The following CSMD1 variants were observed in gnomAD, a reference collection of about 807,000 sequenced individuals.
CSMD1 encodes the protein CUB and Sushi multiple domains 1, also known as CUB and sushi domain-containing protein 1.
A neutral mutation model predicts 417.5 loss-of-function variants in CSMD1; 213 were observed. The observed-to-expected ratio is 0.51, with a 90% confidence interval of 0.46 to 0.57. The LOEUF (loss-of-function observed/expected upper bound fraction) is 0.57. Among genes scored for constraint, CSMD1 ranks in the 20% least tolerant of loss-of-function variants. The pLI, the probability that CSMD1 is intolerant of heterozygous loss-of-function variation, is 0.00. For synonymous variants in CSMD1, 2,862 were observed against 1,736.8 expected, an observed-to-expected ratio of 1.65 and a Z score of -16.11; for missense variants, 6,923 against 4,529.7, an observed-to-expected ratio of 1.53 and a Z score of -15.17.
At chr8:4,600,844 T>A (rs377750812) in intron 2 of CSMD1, among the ~76,000 whole-genome samples, 12 of 152,192 alleles carry the variant, frequency 7.9e-5, no homozygotes, top group African/African-American at 2.9e-4. Flanking sequence ...AAGAAGATAT[T>A]CTGACTTTAA....
chr8:4,112,845 T>C (rs866421965), intron 3 of CSMD1, among the ~76,000 whole-genome samples: 1 of 152,232 alleles, frequency 6.6e-6, no homozygotes, highest in Admixed American at 6.5e-5. Context: ...TGCACTTTGC[T>C]GATATTGCGT....
chr8:3,997,585 A>G (rs1373390891), intron 5 of CSMD1, among the ~76,000 whole-genome samples: 1 of 152,232 alleles, frequency 6.6e-6, no homozygotes, highest in Non-Finnish European at 1.5e-5. Context: ...CTCTGCTCAC[A>G]GTGAAACAGC....
At chr8:4,510,763 C>T (rs1802780693) in intron 2 of CSMD1, among the ~76,000 whole-genome samples, 1 of 145,110 alleles carries the variant, frequency 6.9e-6, no homozygotes, top group African/African-American at 2.6e-5. Flanking sequence ...CTCCTTCCCT[C>T]CTCTCTTCCT....
chr8:3,956,112 C>A (rs1273727700), intron 5 of CSMD1, among the ~76,000 whole-genome samples: 5 of 152,148 alleles, frequency 3.3e-5, no homozygotes, highest in Non-Finnish European at 7.3e-5. Context: ...CCTTTCTAAC[C>A]CTTTTAAGTT....
intron 5 of CSMD1, among the ~76,000 whole-genome samples, chr8:3,926,231 C>G (rs529496677): frequency 2.6e-5 from 4 of 152,114 alleles, no homozygotes; most frequent in Non-Finnish European, 5.9e-5. Context: ...TTTATTTCCT[C>G]TTTTATGTGT....
intron 3 of CSMD1, among the ~76,000 whole-genome samples, chr8:4,383,450 A>C (rs1386728505): frequency 6.6e-6 from 1 of 152,208 alleles, no homozygotes; most frequent in African/African-American, 2.4e-5. Flanking sequence ...TGAATTTCAC[A>C]GTAGTTCCTA....
chr8:4,410,849 C>G (rs545044232), intron 3 of CSMD1, among the ~76,000 whole-genome samples: 2 of 152,156 alleles, frequency 1.3e-5, no homozygotes, highest in Non-Finnish European at 2.9e-5. Context: ...TGAAATTTAA[C>G]TGTCAGTGTA....
chr8:3,894,354 T>C (rs534661514), intron 5 of CSMD1, among the ~76,000 whole-genome samples: 1 of 152,132 alleles, frequency 6.6e-6, no homozygotes, highest in Non-Finnish European at 1.5e-5. Flanking sequence ...TCACGAGGAT[T>C]AAATGGGTGT....
At chr8:4,480,847 T>C (rs1411820471) in intron 2 of CSMD1, among the ~76,000 whole-genome samples, 2 of 152,198 alleles carry the variant, frequency 1.3e-5, no homozygotes, top group Non-Finnish European at 2.9e-5. Flanking sequence ...TGTCACACCA[T>C]TGTCATTAAT....
chr8:4,166,881 G>A (rs569829870), intron 3 of CSMD1, among the ~76,000 whole-genome samples: 32 of 152,294 alleles, frequency 2.1e-4, no homozygotes, highest in Middle Eastern at 3.4e-3. Flanking sequence ...TATTTAAAAT[G>A]TATTTCCTTA....
chr8:3,801,157 C>G (rs999080604), intron 5 of CSMD1, among the ~76,000 whole-genome samples: 1 of 151,380 alleles, frequency 6.6e-6, no homozygotes, highest in Non-Finnish European at 1.5e-5. Flanking sequence ...GCAAAGGATA[C>G]CACCAAGAAA....
intron 12 of CSMD1, among the ~76,000 whole-genome samples, chr8:3,440,641 C>T (rs1295727293): frequency 6.6e-6 from 1 of 152,144 alleles, no homozygotes; most frequent in Non-Finnish European, 1.5e-5. Context: ...CCCTGTTTCT[C>T]TTATCCTTGC....
At chr8:4,761,121 C>T (rs556196904) in intron 1 of CSMD1, among the ~76,000 whole-genome samples, 1 of 151,838 alleles carries the variant, frequency 6.6e-6, no homozygotes, top group African/African-American at 2.4e-5. Flanking sequence ...AGTGAATATG[C>T]AAAAGAGTCT....
In CSMD1 at chr8:3,289,735, C is replaced by G. The variant is rs1267796122; in HGVS notation, c.3951-5389G>C. Among the ~76,000 whole-genome samples, 2 of 147,172 alleles carry G rather than the reference C, an allele frequency of 1.4e-5. 1 individual carries two copies. The highest frequency in any genetic ancestry group is 5.4e-5 in the African/African-American group (2 of 36,978). On this transcript the variant is annotated intron_variant, in intron 25 of 69. Coordinates refer to ENST00000635120, the MANE Select transcript of CSMD1 (RefSeq NM_033225.6). ...TAGATTCTGGATATTAGCCCTTTGT[C>G]AGATGAGGAGGTTGCAATAATTTTC...
intron 2 of CSMD1, among the ~76,000 whole-genome samples, chr8:4,595,170 A>G (rs543723402): frequency 1.9e-3 from 296 of 152,102 alleles, no homozygotes; most frequent in African/African-American, 6.9e-3. Flanking sequence ...AAAGAGTGTT[A>G]CTAATTAATT....
At chr8:3,201,872 T>A (rs1244937300) in intron 31 of CSMD1, 147 bp from the exon 32 acceptor site, 2 of 469,218 alleles carry the variant, frequency 4.3e-6, no homozygotes, top group African/African-American at 4.0e-5. Context: ...TTATTTTCTC[T>A]GCTTTCTAAG....
intron 23 of CSMD1, among the ~76,000 whole-genome samples, chr8:3,327,918 C>T (rs1255084483): frequency 1.3e-5 from 2 of 152,088 alleles, no homozygotes; most frequent in African/African-American, 2.4e-5. Context: ...AATTGGGTCA[C>T]CTTGAACTCT....
intron 3 of CSMD1, among the ~76,000 whole-genome samples, chr8:4,345,628 A>T (rs546022518): frequency 6.6e-6 from 1 of 152,218 alleles, no homozygotes; most frequent in Non-Finnish European, 1.5e-5. Context: ...GTACCAAAAT[A>T]ATTACTGAAA....
intron 1 of CSMD1, among the ~76,000 whole-genome samples, chr8:4,910,994 G>A (rs184971441): frequency 4.6e-5 from 7 of 152,228 alleles, no homozygotes; most frequent in Admixed American, 3.9e-4. Flanking sequence ...CCATAAGGGG[G>A]AATTTCCCTA....
Sources: gnomAD v4.1 joint callset for allele counts (sites outside exome capture counted in the v4.1 genomes callset) on GRCh38, gnomAD v4.1.1 for gene constraint, MANE v1.5 for transcripts, NCBI Gene and HGNC (gene_info 2026-07-23, HGNC 2026-07-21) for gene names.